The following MGAT4C variants were observed in gnomAD, a reference collection of about 807,000 sequenced individuals.
MGAT4C encodes the protein MGAT4 family member C.
Under a neutral mutation model 40.1 loss-of-function variants are expected in MGAT4C, and 19 were observed. The observed-to-expected ratio is 0.47, with a 90% confidence interval of 0.33 to 0.70. MGAT4C has a LOEUF of 0.70. Among genes scored for constraint, MGAT4C ranks in the 30% least tolerant of loss-of-function variants. The pLI, the probability that MGAT4C is intolerant of heterozygous loss-of-function variation, is 0.02. For missense variants in MGAT4C, 491 were observed against 563.2 expected (o/e 0.87, Z 1.30); for synonymous variants, 181 against 187.1 (o/e 0.97, Z 0.27).
chr12:86,514,654 C>T (rs1958652431), intron 2 of MGAT4C, among the ~76,000 whole-genome samples: 2 of 152,178 alleles, frequency 1.3e-5, no homozygotes, highest in African/African-American at 4.8e-5. Flanking sequence ...CCTGTGACTA[C>T]ATTGGACACA....
intron 4 of MGAT4C, among the ~76,000 whole-genome samples, chr12:85,981,037 T>G (rs1013612037): frequency 6.6e-6 from 1 of 152,148 alleles, no homozygotes; most frequent in Non-Finnish European, 1.5e-5. Context: ...TATCTTGAAA[T>G]GTACATAGTA....
At chr12:86,699,757 A>T (rs1950322217) in intron 2 of MGAT4C, among the ~76,000 whole-genome samples, 1 of 152,278 alleles carries the variant, frequency 6.6e-6, no homozygotes, top group East Asian at 1.9e-4. Flanking sequence ...AAAAAATGTC[A>T]TTAAGGAAAT....
At chr12:86,225,611 T>C (rs1219308615) in intron 1 of MGAT4C, among the ~76,000 whole-genome samples, 1 of 152,132 alleles carries the variant, frequency 6.6e-6, no homozygotes, top group East Asian at 1.9e-4. Flanking sequence ...TAAAGTGTGA[T>C]ATATTTCACA....
At chr12:86,653,881 A>AT (rs1479253018) in intron 2 of MGAT4C, among the ~76,000 whole-genome samples, 2 of 151,934 alleles carry the variant, frequency 1.3e-5, no homozygotes, top group East Asian at 1.9e-4. Flanking sequence ...TTTAAAGGAC[A>AT]TTTTTCTCAT....
intron 1 of MGAT4C, among the ~76,000 whole-genome samples, chr12:86,175,922 T>C (rs1887378867): frequency 1.3e-5 from 2 of 151,574 alleles, no homozygotes; most frequent in Non-Finnish European, 2.9e-5. Flanking sequence ...AGTGAGCCGA[T>C]ATCGCGCCAC....
chr12:86,077,561 T>C (rs1441874255), intron 1 of MGAT4C, among the ~76,000 whole-genome samples: 1 of 152,236 alleles, frequency 6.6e-6, no homozygotes, highest in African/African-American at 2.4e-5. Flanking sequence ...GCTGGTCACA[T>C]GGTCATAGCT....
At chr12:86,317,192 T>G (rs977601049) in intron 4 of MGAT4C, among the ~76,000 whole-genome samples, 5 of 152,098 alleles carry the variant, frequency 3.3e-5, no homozygotes, top group Admixed American at 6.6e-5. Flanking sequence ...ACAGTATAGT[T>G]TCAGAAGAAT....
chr12:86,748,813 T>A (rs1951191940), intron 1 of MGAT4C, among the ~76,000 whole-genome samples: 1 of 151,464 alleles, frequency 6.6e-6, no homozygotes, highest in South Asian at 2.1e-4. Flanking sequence ...ATAAAGAAAA[T>A]TTAAAAAATT....
At chr12:86,391,837 G>GC (rs1308625669) in intron 3 of MGAT4C, among the ~76,000 whole-genome samples, 1 of 151,984 alleles carries the variant, frequency 6.6e-6, no homozygotes, top group African/African-American at 2.4e-5. Context: ...TCCAGCCTGG[G>GC]GACAGAGTGA....
At chr12:86,336,636 T>C (rs1954797836) in intron 3 of MGAT4C, among the ~76,000 whole-genome samples, 2 of 152,140 alleles carry the variant, frequency 1.3e-5, no homozygotes, top group Non-Finnish European at 2.9e-5. Flanking sequence ...AGCCAGTCAC[T>C]TCATGGTATT....
intron 3 of MGAT4C, among the ~76,000 whole-genome samples, chr12:86,419,729 T>C (rs142909328): frequency 1.3e-5 from 2 of 152,220 alleles, no homozygotes; most frequent in East Asian, 1.9e-4. Flanking sequence ...TGGATGGTAA[T>C]GAAAGAAAAA....
At chr12:86,740,055 TTA>T (rs1317111170) in intron 1 of MGAT4C, among the ~76,000 whole-genome samples, 1 of 151,098 alleles carries the variant, frequency 6.6e-6, no homozygotes, top group Non-Finnish European at 1.5e-5. Context: ...TTCACAATCA[TTA>T]TTTTTGAAAT....
chr12:85,999,429 T>C (rs917217027), intron 2 of MGAT4C, among the ~76,000 whole-genome samples: 3 of 152,176 alleles, frequency 2.0e-5, no homozygotes, highest in Admixed American at 2.0e-4. Context: ...TCTCCATTAC[T>C]GGATATATAT....
At chr12:86,135,541 G>C (rs1881818754) in intron 1 of MGAT4C, among the ~76,000 whole-genome samples, 1 of 152,020 alleles carries the variant, frequency 6.6e-6, no homozygotes, top group Non-Finnish European at 1.5e-5. Context: ...AAAAAGTAAG[G>C]GGGGGCAGAC....
intron 3 of MGAT4C, among the ~76,000 whole-genome samples, chr12:85,984,738 T>C (rs1267009766): frequency 6.6e-6 from 1 of 152,094 alleles, no homozygotes; most frequent in African/African-American, 2.4e-5. Context: ...CTCTCTTTTT[T>C]TTTCTCAAAA....
In MGAT4C at chr12:85,971,442, T is replaced by G. The variant is rs777331967; in HGVS notation, c.*7847A>C. ...GGACACTTATATTTTGTATCACTTT[T>G]GTAGCAAACACATGACTCATCATTG... is the stretch of plus-strand genomic sequence containing the variant. On this transcript the variant is annotated 3_prime_UTR_variant, in exon 5 of 5. Coordinates refer to ENST00000611864, the MANE Select transcript of MGAT4C (RefSeq NM_001351288.2). 4 of 151,276 alleles carry G rather than the reference T, an allele frequency of 2.6e-5. No individual in the cohort carries two copies. The highest frequency in any genetic ancestry group is 4.8e-5 in the African/African-American group (2 of 41,358). The allele number at this position is 151,276 out of a possible 1,614,324, so 9.4% of individuals were successfully genotyped here. A position where few individuals can be genotyped will look rare whatever the true frequency, so the allele number is the denominator to read the frequency against.
chr12:86,547,288 TC>T (rs1445931311), intron 2 of MGAT4C, among the ~76,000 whole-genome samples: 1 of 152,032 alleles, frequency 6.6e-6, no homozygotes, highest in Non-Finnish European at 1.5e-5. Context: ...CCTCTTCTTC[TC>T]CCCTTGTTTT....
chr12:86,111,374 G>A (rs1163030102), intron 1 of MGAT4C, among the ~76,000 whole-genome samples: 3 of 151,674 alleles, frequency 2.0e-5, no homozygotes, highest in African/African-American at 7.3e-5. Context: ...TGTTGTATTT[G>A]CAAAATGATA....
intron 3 of MGAT4C, among the ~76,000 whole-genome samples, chr12:86,359,296 C>A (rs1955397450): frequency 6.6e-6 from 1 of 152,154 alleles, no homozygotes; most frequent in Admixed American, 6.5e-5. Context: ...AAAGACACAA[C>A]ATACCAGAAT....
Sources: gnomAD v4.1 joint callset for allele counts (sites outside exome capture counted in the v4.1 genomes callset) on GRCh38, gnomAD v4.1.1 for gene constraint, MANE v1.5 for transcripts, NCBI Gene and HGNC (gene_info 2026-07-23, HGNC 2026-07-21) for gene names.